COLEC12: variants seen among roughly 807,000 people sequenced by gnomAD.
The protein encoded by COLEC12 is collectin-12.
COLEC12 carries 33 observed loss-of-function variants against 71.1 expected under a neutral mutation model. The observed-to-expected ratio is 0.46, with a 90% CI of 0.35 to 0.62. The LOEUF is 0.62. Among genes scored for constraint, COLEC12 ranks in the 20% least tolerant of loss-of-function variants. The pLI is 0.00. For synonymous variants in COLEC12, 350 were observed against 353.0 expected (o/e 0.99, Z 0.10); for missense variants, 765 against 916.1 (o/e 0.84, Z 2.13).
chr18:434,609 G>GT (rs1916368053), intron 2 of COLEC12, among the ~76,000 whole-genome samples: 1 of 152,214 alleles, frequency 6.6e-6, no homozygotes, highest in South Asian at 2.1e-4. Flanking sequence ...CAGGTTGCCA[G>GT]TAACTCCTGC....
intron 2 of COLEC12, among the ~76,000 whole-genome samples, chr18:447,677 T>G (rs1197582504): frequency 6.6e-6 from 1 of 152,174 alleles, no homozygotes; most frequent in East Asian, 1.9e-4. Context: ...AATTCACCTC[T>G]CCACATATAC....
intron 2 of COLEC12, among the ~76,000 whole-genome samples, chr18:386,382 C>T (rs1915346094): frequency 6.6e-6 from 1 of 152,218 alleles, no homozygotes; most frequent in Non-Finnish European, 1.5e-5. Flanking sequence ...CCTTGCTACT[C>T]AAAGTACTGT....
intron 2 of COLEC12, among the ~76,000 whole-genome samples, chr18:404,929 T>C (rs1915756890): frequency 6.6e-6 from 1 of 152,184 alleles, no homozygotes; most frequent in African/African-American, 2.4e-5. Flanking sequence ...AGCCTATAAA[T>C]GCTAAATTCT....
In COLEC12 at chr18:500,404, G is replaced by T. The variant is rs1917799453; in HGVS notation, c.7+104C>A. The T allele has an allele frequency of 2.9e-6, 2 of 697,136 alleles. No homozygotes were observed. Among genetic ancestry groups the T allele is most frequent in the Non-Finnish European group, 3.7e-6 (2 of 544,022 alleles). The allele number at this position is 697,136 out of a possible 1,614,324, so 43.2% of individuals were successfully genotyped here. ...CTGGCAGCCCCGACTCCCCGGGCCC[G>T]CAGCCCAAGGGAAGGTTCGCGCGGG... On this transcript the variant is annotated intron_variant, in intron 1 of 9. Coordinates refer to ENST00000400256, the MANE Select transcript of COLEC12 (RefSeq NM_130386.3). The surrounding 1 kb of genome is among the most constrained non-coding windows in gnomAD (Gnocchi z 5.3).
intron 2 of COLEC12, among the ~76,000 whole-genome samples, chr18:448,139 C>T (rs2143707680): frequency 6.6e-6 from 1 of 152,358 alleles, no homozygotes; most frequent in Admixed American, 6.5e-5. Flanking sequence ...CTGTCTGTAT[C>T]AGTGCCTTTG....
chr18:326,158 C>T (rs890740327), intron 8 of COLEC12, among the ~76,000 whole-genome samples: 1 of 152,122 alleles, frequency 6.6e-6, no homozygotes, highest in African/African-American at 2.4e-5. Context: ...TAGCTGCATC[C>T]CACAGATCTT....
intron 2 of COLEC12, among the ~76,000 whole-genome samples, chr18:361,836 T>C: frequency 6.6e-6 from 1 of 152,176 alleles, no homozygotes; most frequent in Non-Finnish European, 1.5e-5. Flanking sequence ...CCATGGCTGA[T>C]GGGCGGGTTT....
In COLEC12 at chr18:362,280, C is replaced by G. The variant is rs1221170467; in HGVS notation, c.59-4758G>C. On this transcript the variant is annotated intron_variant, in intron 2 of 9. Transcript: ENST00000400256. This position sits in a 1 kb window ranked among gnomAD's most constrained non-coding sequence, Gnocchi z 4.6. The stretch of plus-strand genomic sequence containing the variant: ...TTTAATCAATATCAGATGGCACTGC[C>G]TGGCCTCCCTTTCCACTTGACACGC... 6.6e-6 allele frequency among the ~76,000 whole-genome samples: 1 copy of G among 152,216 alleles called. No individual in the cohort carries two copies. The highest frequency in any genetic ancestry group is 2.4e-5 in the African/African-American group (1 of 41,466).
At chr18:449,124 A>G (rs1916708683) in intron 2 of COLEC12, among the ~76,000 whole-genome samples, 1 of 152,112 alleles carries the variant, frequency 6.6e-6, no homozygotes, top group Non-Finnish European at 1.5e-5. Flanking sequence ...AAATATAACA[A>G]TAAAAGTGGA....
rs71361502 is a variant in COLEC12 at position 318,488 on chromosome 18, G to GTTTTTTTTTTTT, written c.*1545_*1556dup. 1.0e-5 allele frequency: 1 copy of GTTTTTTTTTTTT among 99,024 alleles called. No individual in the cohort carries two copies. Among genetic ancestry groups the GTTTTTTTTTTTT allele is most frequent in the Non-Finnish European group, 1.9e-5 (1 of 53,836 alleles). The allele number at this position is 99,024 out of a possible 1,614,324, so 6.1% of individuals were successfully genotyped here. A position where few individuals can be genotyped will look rare whatever the true frequency, so the allele number is the denominator to read the frequency against. On this transcript the variant is annotated 3_prime_UTR_variant, in exon 10 of 10. Coordinates refer to ENST00000400256, the MANE Select transcript of COLEC12 (RefSeq NM_130386.3). Reference sequence around the variant, plus strand: ...AAAGGAAGATGGGCTCAGAGGAAAGGTTTTTTTTTTTTTTTTTTTTTTGAG... The same window carrying GTTTTTTTTTTTT: ...AAAGGAAGATGGGCTCAGAGGAAAGGTTTTTTTTTTTTTTTTTTTTTTTTTTTTTTTTTTGAG...
At chr18:321,008 A>C (rs1385418078) in intron 9 of COLEC12, among the ~76,000 whole-genome samples, 1 of 152,190 alleles carries the variant, frequency 6.6e-6, no homozygotes, top group Non-Finnish European at 1.5e-5. Context: ...GGCCACCTGG[A>C]TTAGCTGTGT....
At position 414,647 on chromosome 18, in the gene COLEC12, T is replaced by C. The variant is rs1159075746; in HGVS notation, c.59-57125A>G. 2.6e-5 allele frequency among the ~76,000 whole-genome samples: 4 copies of C among 152,134 alleles called. No homozygotes were observed. In the East Asian group the frequency reaches 5.8e-4, roughly 22 times the overall value. On this transcript the variant is annotated intron_variant, in intron 2 of 9. Transcript: ENST00000400256. ...AACAAAAAACAAAACCGAACTCTTA[T>C]GCAAACACAGATCTTTAAGGATAGA...
chr18:400,531 C>T (rs1456572270), intron 2 of COLEC12, among the ~76,000 whole-genome samples: 1 of 151,966 alleles, frequency 6.6e-6, no homozygotes, highest in Non-Finnish European at 1.5e-5. Flanking sequence ...GTAATTTCAC[C>T]CCTAGTACTT....
rs139905606 is a variant in COLEC12 at position 394,178 on chromosome 18, T to G, written c.59-36656A>C. Among the ~76,000 whole-genome samples, 1,277 of 152,284 alleles carry G rather than the reference T, an allele frequency of 8.4e-3. 20 individuals carry two copies. Among genetic ancestry groups the G allele is most frequent in the African/African-American group, 0.029 (1,187 of 41,554 alleles). On this transcript the variant is annotated intron_variant, in intron 2 of 9. Coordinates refer to ENST00000400256, the MANE Select transcript of COLEC12 (RefSeq NM_130386.3). ...ACACCAGAAAAGCAATTGAGTAAAG[T>G]CAGAAATAGAGAAAATTGTGCCCAA...
At position 335,026 on chromosome 18, in the gene COLEC12, C is replaced by T. The variant is rs1344778800; in HGVS notation, c.1532G>A (p.Arg511His). The change falls in exon 6 of 10, where the codon CGT becomes CAT. Residue 511 changes from arginine to histidine, a missense_variant. Transcript: ENST00000400256. ...AGGGCCGGGCTTCCCAGGGGAACCA[C>T]GGGAGCCTTTGGGGCCCTGGGAGCC... ...SKGSQGPKGS[R>H]GSPGKPGPQG... 5.0e-6 allele frequency: 8 copies of T among 1,592,232 alleles called. No individual in the cohort carries two copies. The highest frequency in any genetic ancestry group is 1.4e-5 in the African/African-American group (1 of 73,150).
intron 2 of COLEC12, among the ~76,000 whole-genome samples, chr18:471,645 A>C (rs1023811147): frequency 2.0e-5 from 3 of 151,064 alleles, no homozygotes; most frequent in Non-Finnish European, 4.4e-5. Flanking sequence ...ATAGTATATC[A>C]GATTATATAA....
intron 1 of COLEC12, among the ~76,000 whole-genome samples, chr18:488,872 CAAAAAAAAGAA>C (rs200465250): frequency 0.074 from 8,064 of 108,718 alleles, 282 homozygotes; most frequent in Admixed American, 0.18. Context: ...GACTCTGTTT[CAAAAAAAAGAA>C]AAAAAAAAGA....
At chr18:349,686 G>A (rs761645543) in intron 3 of COLEC12, among the ~76,000 whole-genome samples, 7 of 152,340 alleles carry the variant, frequency 4.6e-5, no homozygotes, top group African/African-American at 1.4e-4. Context: ...ACCCTGCAAA[G>A]CCACAGGGGT....
chr18:343,141 C>T lies in COLEC12; in HGVS notation c.1327+3154G>A, dbSNP rs543876231. 7.2e-5 allele frequency among the ~76,000 whole-genome samples: 11 copies of T among 152,324 alleles called. No individual in the cohort carries two copies. The South Asian group carries it at 2.3e-3, about 32-fold the overall frequency. ...CTACCATGTGTTCAATTTCTGTCTA[C>T]ATCACCCCCAATCCCTACAACACAC... On this transcript the variant is annotated intron_variant, in intron 5 of 9. Coordinates refer to ENST00000400256, the MANE Select transcript of COLEC12 (RefSeq NM_130386.3).
Sources: allele counts gnomAD v4.1 joint callset (sites outside exome capture counted in the v4.1 genomes callset), GRCh38; gene constraint gnomAD v4.1.1; non-coding constraint Gnocchi (gnomAD v3.1); transcripts MANE v1.5; gene names NCBI Gene and HGNC (gene_info 2026-07-23, HGNC 2026-07-21).